The following DOCK1 variants were observed in gnomAD, a reference collection of about 807,000 sequenced individuals.
DOCK1 encodes the protein dedicator of cytokinesis protein 1.
DOCK1 carries 138 observed loss-of-function variants against 262.7 expected under a neutral mutation model. The observed-to-expected ratio is 0.53, with a 90% CI of 0.46 to 0.61. The LOEUF (loss-of-function observed/expected upper bound fraction) is 0.61, where lower values mean the gene tolerates loss of function less well. Ranked by LOEUF, DOCK1 falls within the 20% of genes least tolerant of loss-of-function variation. DOCK1 has a pLI of 0.00. For missense variants in DOCK1, 1,908 were observed against 2,370.7 expected, an observed-to-expected ratio of 0.80 and a Z score of 4.05; for synonymous variants, 866 against 867.4, an observed-to-expected ratio of 1.00 and a Z score of 0.03.
chr10:127,270,429 A>T (rs532838572), intron 29 of DOCK1, among the ~76,000 whole-genome samples: 2 of 151,916 alleles, frequency 1.3e-5, no homozygotes, highest in African/African-American at 4.8e-5. Flanking sequence ...ACAATTTCAC[A>T]TTCTTCCCAT....
chr10:126,982,306 T>G (rs1390606027), intron 4 of DOCK1, among the ~76,000 whole-genome samples: 2 of 152,210 alleles, frequency 1.3e-5, no homozygotes, highest in Non-Finnish European at 2.9e-5. Context: ...CCCCCAGCTC[T>G]GAGTCCCCTT....
At chr10:126,968,579 T>C (rs2037852567) in intron 1 of DOCK1, among the ~76,000 whole-genome samples, 1 of 152,238 alleles carries the variant, frequency 6.6e-6, no homozygotes. Flanking sequence ...GTGTATGTGC[T>C]TTACAAATTC....
At chr10:127,302,534 C>T (rs1395250213) in intron 29 of DOCK1, among the ~76,000 whole-genome samples, 1 of 152,108 alleles carries the variant, frequency 6.6e-6, no homozygotes, top group Non-Finnish European at 1.5e-5. Context: ...CCACACAATC[C>T]GTCATTGTCT....
chr10:127,358,626 AT>A (rs2064262078), intron 32 of DOCK1, among the ~76,000 whole-genome samples: 1 of 152,048 alleles, frequency 6.6e-6, no homozygotes, highest in Non-Finnish European at 1.5e-5. Flanking sequence ...GGTTTGGGAT[AT>A]TTTTCATGCA....
intron 1 of DOCK1, among the ~76,000 whole-genome samples, chr10:126,924,390 G>T (rs368536589): frequency 4.3e-3 from 473 of 110,036 alleles, no homozygotes; most frequent in African/African-American, 6.4e-3. Context: ...AACTCAGTAG[G>T]GGGAGGCTGT....
At chr10:127,271,855 G>T (rs2060580437) in intron 29 of DOCK1, among the ~76,000 whole-genome samples, 1 of 152,190 alleles carries the variant, frequency 6.6e-6, no homozygotes, top group Admixed American at 6.5e-5. Flanking sequence ...TTTTATATTT[G>T]AGTCCACAAA....
At position 127,451,314 on chromosome 10, in the gene DOCK1, C is replaced by G; in HGVS notation, c.5566-18C>G. On this transcript the variant is annotated intron_variant, in intron 51 of 51. Transcript: ENST00000623213. The stretch of plus-strand genomic sequence containing the variant: ...GACATCAGTTATGTGACATCTTCCC[C>G]ATCCTCATGTTTTTTAGCATCTGCC... 1 of 1,576,528 alleles carries G rather than the reference C, an allele frequency of 6.3e-7. No individual in the cohort carries two copies. Among genetic ancestry groups the G allele is most frequent in the Non-Finnish European group, 8.6e-7 (1 of 1,161,344 alleles).
chr10:127,174,329 C>G (rs1161929128), intron 27 of DOCK1, among the ~76,000 whole-genome samples: 2 of 152,146 alleles, frequency 1.3e-5, no homozygotes, highest in African/African-American at 4.8e-5. Flanking sequence ...CTCGGCAATC[C>G]AGGCGAAGTC....
At chr10:127,343,573 T>C (rs1455352704) in intron 30 of DOCK1, 73 bp from the exon 31 acceptor site, 5 of 1,194,702 alleles carry the variant, frequency 4.2e-6, no homozygotes, top group Non-Finnish European at 6.0e-6. Context: ...AAATGATAAA[T>C]GTCTGAGAGC....
chr10:127,328,209 G>T (rs1194167814), intron 29 of DOCK1, among the ~76,000 whole-genome samples: 1 of 151,686 alleles, frequency 6.6e-6, no homozygotes, highest in African/African-American at 2.4e-5. Context: ...CTAAATGATT[G>T]CAGTGTCCAT....
At chr10:127,367,733 G>A (rs1015579551) in intron 33 of DOCK1, among the ~76,000 whole-genome samples, 5 of 152,138 alleles carry the variant, frequency 3.3e-5, no homozygotes, top group African/African-American at 4.8e-5. Context: ...ATAGAGCTCC[G>A]GTCCGTTGAC....
At chr10:126,984,088 AG>A (rs1353195903) in intron 4 of DOCK1, among the ~76,000 whole-genome samples, 1 of 152,038 alleles carries the variant, frequency 6.6e-6, no homozygotes, top group Non-Finnish European at 1.5e-5. Context: ...CGCTACTCTG[AG>A]GGTGCTGTCC....
intron 27 of DOCK1, among the ~76,000 whole-genome samples, chr10:127,161,801 CAG>C (rs1304776537): frequency 6.6e-6 from 1 of 152,148 alleles, no homozygotes; most frequent in African/African-American, 2.4e-5. Flanking sequence ...TCGCCAGTCA[CAG>C]AGGAGATGGC....
At chr10:126,907,461 G>A (rs1301823141) in intron 1 of DOCK1, among the ~76,000 whole-genome samples, 1 of 152,094 alleles carries the variant, frequency 6.6e-6, no homozygotes, top group Non-Finnish European at 1.5e-5. Context: ...AGGAAGAGGT[G>A]GATTGCTTGC....
chr10:127,283,191 G>T (rs2061024406), intron 29 of DOCK1, among the ~76,000 whole-genome samples: 1 of 152,216 alleles, frequency 6.6e-6, no homozygotes, highest in South Asian at 2.1e-4. Flanking sequence ...CATCAATTCT[G>T]TTTCCCAGCT....
At position 127,008,812 on chromosome 10, in the gene DOCK1, T is replaced by C; in HGVS notation, c.1058+8T>C. 6.3e-7 allele frequency: 1 copy of C among 1,593,738 alleles called. No individual in the cohort carries two copies. Among genetic ancestry groups the C allele is most frequent in the Non-Finnish European group, 8.6e-7 (1 of 1,168,670 alleles). The stretch of plus-strand genomic sequence containing the variant: ...TTTCATTCCCTTTCAGCCGTAAGTA[T>C]GGAGCAATTCAAGTACTTAGCCAGA... On this transcript the variant is annotated splice_region_variant and intron_variant, in intron 11 of 51. Coordinates refer to ENST00000623213, the MANE Select transcript of DOCK1 (RefSeq NM_001290223.2).
intron 25 of DOCK1, among the ~76,000 whole-genome samples, chr10:127,121,615 C>G (rs1282209049): frequency 6.6e-6 from 1 of 152,044 alleles, no homozygotes; most frequent in African/African-American, 2.4e-5. Flanking sequence ...TTGAAAAAAC[C>G]TATCTGTAGA....
chr10:127,284,541 A>C (rs897297694), intron 29 of DOCK1, among the ~76,000 whole-genome samples: 1 of 152,222 alleles, frequency 6.6e-6, no homozygotes, highest in Non-Finnish European at 1.5e-5. Context: ...TCTTCCAGTT[A>C]AGGTTTTAAC....
At chr10:127,422,674 T>A (rs187951411) in intron 46 of DOCK1, among the ~76,000 whole-genome samples, 20 of 152,334 alleles carry the variant, frequency 1.3e-4, no homozygotes, top group African/African-American at 4.6e-4. Context: ...TTGTATGGAT[T>A]GTAAGCCTCA....
Sources: gnomAD v4.1 joint callset for allele counts (sites outside exome capture counted in the v4.1 genomes callset) on GRCh38, gnomAD v4.1.1 for gene constraint, MANE v1.5 for transcripts, NCBI Gene and HGNC (gene_info 2026-07-23, HGNC 2026-07-21) for gene names.